The following CDH12 variants were observed in gnomAD, a reference collection of about 807,000 sequenced individuals.
The protein encoded by CDH12 is cadherin 12.
In CDH12, 41 loss-of-function variants were observed where a neutral mutation model predicts 74.1. The ratio of observed to expected loss-of-function variants is 0.55; its 90% CI spans 0.43 to 0.72. CDH12 has a LOEUF of 0.72. CDH12 is among the 30% of genes least tolerant of loss of function. The probability of loss-of-function intolerance (pLI) is 0.00; values close to 1 mark genes in which losing one functional copy is unlikely to be tolerated. For synonymous variants in CDH12, 399 were observed against 355.0 expected, an observed-to-expected ratio of 1.12 and a Z score of -1.39; for missense variants, 945 against 977.2, an observed-to-expected ratio of 0.97 and a Z score of 0.44.
chr5:22,287,580 C>G (rs181900429), intron 3 of CDH12, among the ~76,000 whole-genome samples: 1 of 151,246 alleles, frequency 6.6e-6, no homozygotes, highest in Non-Finnish European at 1.5e-5. Flanking sequence ...AAAAATTAGC[C>G]GGCGCGGTGG....
chr5:22,624,220 CT>C (rs1483718179), intron 1 of CDH12, among the ~76,000 whole-genome samples: 2 of 152,096 alleles, frequency 1.3e-5, no homozygotes, highest in East Asian at 3.9e-4. Context: ...AGAAGAAAAC[CT>C]AGGCAATACC....
intron 1 of CDH12, among the ~76,000 whole-genome samples, chr5:22,833,679 G>A (rs969322346): frequency 1.7e-4 from 26 of 151,784 alleles, no homozygotes; most frequent in Non-Finnish European, 2.1e-4. Flanking sequence ...GCTCTCTGTC[G>A]GAATATATTC....
intron 2 of CDH12, among the ~76,000 whole-genome samples, chr5:22,413,045 A>G (rs1177939461): frequency 6.6e-6 from 1 of 152,038 alleles, no homozygotes. Flanking sequence ...ACTCTTGTAG[A>G]AAGTTAAATA....
intron 6 of CDH12, among the ~76,000 whole-genome samples, chr5:21,923,310 G>C (rs1561301895): frequency 6.6e-6 from 1 of 152,034 alleles, no homozygotes; most frequent in Non-Finnish European, 1.5e-5. Flanking sequence ...ATAAACACAT[G>C]AACAAGTTAC....
intron 4 of CDH12, among the ~76,000 whole-genome samples, chr5:22,117,914 A>G (rs1337880908): frequency 1.3e-5 from 2 of 152,186 alleles, no homozygotes; most frequent in Non-Finnish European, 1.5e-5. Context: ...CAATAATTCA[A>G]TAAGATTAAG....
intron 9 of CDH12, among the ~76,000 whole-genome samples, chr5:21,809,937 G>A (rs908875545): frequency 2.6e-5 from 4 of 151,986 alleles, no homozygotes; most frequent in Admixed American, 2.0e-4. Flanking sequence ...AGGGACTCTA[G>A]GAGGCCTTTG....
chr5:22,577,092 C>T (rs532266735), intron 1 of CDH12, among the ~76,000 whole-genome samples: 143 of 152,238 alleles, frequency 9.4e-4, no homozygotes, highest in African/African-American at 3.3e-3. Flanking sequence ...TAAAAGCCTG[C>T]GTATTACAAA....
At chr5:22,035,713 TACACAC>T (rs149918147) in intron 5 of CDH12, among the ~76,000 whole-genome samples, 4,870 of 143,318 alleles carry the variant, frequency 0.034, 151 homozygotes, top group Admixed American at 0.1. Context: ...ACTTCACACA[TACACAC>T]ACACACACAC....
chr5:22,073,945 G>A (rs2150220165), intron 5 of CDH12, among the ~76,000 whole-genome samples: 1 of 152,214 alleles, frequency 6.6e-6, no homozygotes, highest in East Asian at 1.9e-4. Context: ...TTTCTACCAA[G>A]AACCAGAAAG....
chr5:22,597,124 A>T (rs1381888240), intron 1 of CDH12, among the ~76,000 whole-genome samples: 1 of 152,202 alleles, frequency 6.6e-6, no homozygotes, highest in Non-Finnish European at 1.5e-5. Context: ...AAGTTCAGGT[A>T]AAAATTCTTT....
At chr5:21,863,001 A>G (rs571045320) in intron 6 of CDH12, among the ~76,000 whole-genome samples, 1 of 152,228 alleles carries the variant, frequency 6.6e-6, no homozygotes, top group South Asian at 2.1e-4. Flanking sequence ...GATTGATCCT[A>G]TTACTTTCAT....
chr5:22,061,459 A>G (rs886185800), intron 5 of CDH12, among the ~76,000 whole-genome samples: 2 of 152,134 alleles, frequency 1.3e-5, no homozygotes, highest in Non-Finnish European at 2.9e-5. Context: ...GAATGGTATA[A>G]CCATGGCATA....
At chr5:21,934,652 T>A (rs1365080414) in intron 6 of CDH12, among the ~76,000 whole-genome samples, 1 of 152,212 alleles carries the variant, frequency 6.6e-6, no homozygotes, top group Admixed American at 6.5e-5. Context: ...TGTGTTGGTG[T>A]CTGTGAGTTT....
chr5:22,567,299 A>T (rs1459083990), intron 1 of CDH12, among the ~76,000 whole-genome samples: 1 of 152,180 alleles, frequency 6.6e-6, no homozygotes, highest in Non-Finnish European at 1.5e-5. Flanking sequence ...TGCAAGTAAC[A>T]ATTAACCTGG....
chr5:22,093,510 T>A (rs1370244120), intron 4 of CDH12, among the ~76,000 whole-genome samples: 1 of 152,132 alleles, frequency 6.6e-6, no homozygotes, highest in East Asian at 1.9e-4. Flanking sequence ...ATGAAAGAAG[T>A]CAGTTATAAA....
rs1752061287 is a variant in CDH12 at position 22,222,693 on chromosome 5, TTATTA to T, written c.-332-10055_-332-10051del. 2.6e-5 allele frequency among the ~76,000 whole-genome samples: 4 copies of T among 151,828 alleles called. No individual in the cohort carries two copies. The South Asian group carries it at 8.3e-4, about 31-fold the overall frequency. ...TTCATTTATAATTAAAGCATACAAT[TTATTA>T]TATTAATGACAGGACAAACATACTT... is the stretch of plus-strand genomic sequence containing the variant. On this transcript the variant is annotated intron_variant, in intron 3 of 14. Coordinates refer to ENST00000382254, the MANE Select transcript of CDH12 (RefSeq NM_004061.5).
At chr5:22,492,599 A>C (rs1746927058) in intron 2 of CDH12, among the ~76,000 whole-genome samples, 1 of 152,102 alleles carries the variant, frequency 6.6e-6, no homozygotes, top group Non-Finnish European at 1.5e-5. Flanking sequence ...CACATGCCTC[A>C]GCCTCCCAAA....
chr5:22,132,675 C>T (rs1377141230), intron 4 of CDH12, among the ~76,000 whole-genome samples: 1 of 152,050 alleles, frequency 6.6e-6, no homozygotes, highest in African/African-American at 2.4e-5. Context: ...TACCTGTAGT[C>T]AAATACAAGT....
At chr5:22,092,684 GGT>G (rs1157611782) in intron 4 of CDH12, among the ~76,000 whole-genome samples, 1 of 151,996 alleles carries the variant, frequency 6.6e-6, no homozygotes, top group Admixed American at 6.6e-5. Flanking sequence ...ATATTATTTT[GGT>G]AGTTCCTCAA....
Sources: gnomAD v4.1 joint callset for allele counts (sites outside exome capture counted in the v4.1 genomes callset) on GRCh38, gnomAD v4.1.1 for gene constraint, MANE v1.5 for transcripts, NCBI Gene and HGNC (gene_info 2026-07-23, HGNC 2026-07-21) for gene names.